Variants in CNIH3 observed in about 807,000 individuals in gnomAD.
The protein encoded by CNIH3 is cornichon family AMPA receptor auxiliary protein 3, also known as protein cornichon homolog 3.
CNIH3 carries 14 observed loss-of-function variants against 24.1 expected under a neutral mutation model. That is an observed-to-expected ratio of 0.58 (90% CI 0.38 to 0.91). The LOEUF is 0.91. CNIH3 is among the 40% of genes least tolerant of loss of function. The pLI, the probability that CNIH3 is intolerant of heterozygous loss-of-function variation, is 0.00. For synonymous variants in CNIH3, 68 were observed against 73.8 expected (o/e 0.92, Z 0.40); for missense variants, 178 against 196.8 (o/e 0.90, Z 0.57).
At chr1:224,666,257 C>T (rs2125123661) in intron 1 of CNIH3, among the ~76,000 whole-genome samples, 1 of 152,228 alleles carries the variant, frequency 6.6e-6, no homozygotes, top group South Asian at 2.1e-4. Flanking sequence ...AGCATGCAGA[C>T]AGCTGGTACT....
chr1:224,488,899 C>T (rs752201938), intron 1 of CNIH3, among the ~76,000 whole-genome samples: 7 of 152,266 alleles, frequency 4.6e-5, no homozygotes, highest in Middle Eastern at 3.4e-3. Flanking sequence ...ATTTCCCAAG[C>T]GCATTTTCCT....
intron 3 of CNIH3, among the ~76,000 whole-genome samples, chr1:224,729,218 C>G (rs1689190447): frequency 2.0e-5 from 3 of 152,000 alleles, no homozygotes; most frequent in Admixed American, 2.0e-4. Flanking sequence ...CAAGACCAAT[C>G]TAGCCAACAT....
intron 1 of CNIH3, among the ~76,000 whole-genome samples, chr1:224,664,526 A>G (rs1173828783): frequency 1.3e-5 from 2 of 152,190 alleles, no homozygotes; most frequent in Non-Finnish European, 2.9e-5. Flanking sequence ...GGGGTGCTAC[A>G]ACAAACAGTT....
chr1:224,607,363 T>A (rs975657118), intron 3 of CNIH3, among the ~76,000 whole-genome samples: 6 of 152,066 alleles, frequency 3.9e-5, no homozygotes, highest in African/African-American at 1.4e-4. Context: ...GCTTCAATAT[T>A]TAAAGGGAAA....
chr1:224,736,479 GT>G, intron 5 of CNIH3, among the ~76,000 whole-genome samples: 1 of 152,360 alleles, frequency 6.6e-6, no homozygotes, highest in Non-Finnish European at 1.5e-5. Context: ...TCATCAAAGT[GT>G]GGGGTAAGGA....
At chr1:224,554,575 T>G (rs1166438828) in intron 3 of CNIH3, among the ~76,000 whole-genome samples, 4 of 148,400 alleles carry the variant, frequency 2.7e-5, no homozygotes, top group East Asian at 2.0e-4. Flanking sequence ...TTTTTGTAGG[T>G]TTTTTTTTTG....
chr1:224,453,049 A>G lies in CNIH3; in HGVS notation n.203+18187A>G, dbSNP rs1411788786. Among the ~76,000 whole-genome samples, 4 of 151,662 alleles carry G rather than the reference A, an allele frequency of 2.6e-5. No individual in the cohort carries two copies. In the East Asian group the frequency reaches 7.8e-4, roughly 29 times the overall value. The stretch of plus-strand genomic sequence containing the variant: ...GGCAGGAGAATCACTTGAACCCAGG[A>G]GGCAGAGGTTGCAGTGAGCTGAGAT... On this transcript the variant is annotated intron_variant and non_coding_transcript_variant, in intron 1 of 5. Transcript: ENST00000471578.
intron 1 of CNIH3, among the ~76,000 whole-genome samples, chr1:224,471,208 T>C (rs1322776373): frequency 6.6e-6 from 1 of 151,988 alleles, no homozygotes; most frequent in Non-Finnish European, 1.5e-5. Flanking sequence ...CCAGCTCATG[T>C]TTTATATTTT....
intron 1 of CNIH3, among the ~76,000 whole-genome samples, chr1:224,507,464 T>G (rs1677965416): frequency 1.3e-5 from 2 of 152,188 alleles, no homozygotes; most frequent in East Asian, 3.8e-4. Flanking sequence ...TTAAGGTGAT[T>G]AAAATAGTGC....
intron 3 of CNIH3, among the ~76,000 whole-genome samples, chr1:224,694,729 C>G (rs942219788): frequency 1.1e-4 from 16 of 152,094 alleles, no homozygotes; most frequent in African/African-American, 1.7e-4. Context: ...CATGTATACA[C>G]CATGGAATAC....
intron 3 of CNIH3, among the ~76,000 whole-genome samples, chr1:224,698,993 A>ATGAG (rs1687331941): frequency 1.1e-5 from 1 of 91,870 alleles, no homozygotes; most frequent in East Asian, 3.0e-4. Flanking sequence ...GAGGTCACTT[A>ATGAG]GTAAGTGCAG....
At position 224,562,598 on chromosome 1, in the gene CNIH3, C is replaced by T. The variant is rs1048091451; in HGVS notation, n.451-3601C>T. Among the ~76,000 whole-genome samples, 9 of 152,096 alleles carry T rather than the reference C, an allele frequency of 5.9e-5. No homozygotes were observed. In the South Asian group the frequency reaches 6.2e-4, roughly 11 times the overall value. ...TGATCCCCAGTATTGGAAGATGGGG[C>T]GTAATGGGAGGTGTTTGGATCAGGT... On this transcript the variant is annotated intron_variant and non_coding_transcript_variant, in intron 3 of 5. Coordinates refer to the CNIH3 transcript ENST00000471578.
chr1:224,640,712 C>T (rs61631299), intron 1 of CNIH3, among the ~76,000 whole-genome samples: 5,618 of 152,244 alleles, frequency 0.037, 269 homozygotes, highest in African/African-American at 0.11. Flanking sequence ...GTGTTGTGAA[C>T]TGGTGGGGTG....
upstream of CNIH3, among the ~76,000 whole-genome samples, chr1:224,512,262 C>T (rs548149422): frequency 2.6e-5 from 4 of 151,774 alleles, no homozygotes; most frequent in South Asian, 6.3e-4. Flanking sequence ...GGCAGAGGAT[C>T]GCTTGAGGTC....
At chr1:224,476,029 C>A (rs867733494) in intron 1 of CNIH3, among the ~76,000 whole-genome samples, 6 of 152,004 alleles carry the variant, frequency 3.9e-5, no homozygotes, top group Non-Finnish European at 7.4e-5. Flanking sequence ...AAAAAGCATT[C>A]GAAAAAATTC....
intron 3 of CNIH3, among the ~76,000 whole-genome samples, chr1:224,700,061 C>T (rs1023016268): frequency 9.2e-5 from 14 of 152,084 alleles, no homozygotes; most frequent in African/African-American, 2.4e-4. Context: ...TGTAGGAAGG[C>T]GGATATTTTG....
At chr1:224,497,681 G>A (rs947457260) in intron 1 of CNIH3, among the ~76,000 whole-genome samples, 6 of 152,190 alleles carry the variant, frequency 3.9e-5, no homozygotes, top group Non-Finnish European at 8.8e-5. Context: ...CCTCCAGGAG[G>A]ATCTTGGCAC....
At chr1:224,536,395 G>A (rs908864096) in intron 2 of CNIH3, among the ~76,000 whole-genome samples, 1 of 148,626 alleles carries the variant, frequency 6.7e-6, no homozygotes, top group East Asian at 2.0e-4. Flanking sequence ...GCGTTCAAGC[G>A]ATTCTCCTGC....
intron 1 of CNIH3, among the ~76,000 whole-genome samples, chr1:224,647,641 C>T (rs1349214988): frequency 6.6e-6 from 1 of 152,174 alleles, no homozygotes; most frequent in Non-Finnish European, 1.5e-5. Flanking sequence ...AGCCTGGAAA[C>T]TTGGGAGAAT....
Sources: gnomAD v4.1 joint callset for allele counts (sites outside exome capture counted in the v4.1 genomes callset) on GRCh38, gnomAD v4.1.1 for gene constraint, MANE v1.5 for transcripts, NCBI Gene and HGNC (gene_info 2026-07-23, HGNC 2026-07-21) for gene names.